The following ANKUB1 variants were observed in gnomAD, a reference collection of about 807,000 sequenced individuals.
The protein encoded by ANKUB1 is protein ANKUB1.
Under a neutral mutation model 49.3 loss-of-function variants are expected in ANKUB1, and 42 were observed. The observed-to-expected ratio is 0.85, with a 90% confidence interval of 0.67 to 1.10. The LOEUF (loss-of-function observed/expected upper bound fraction) is 1.10, where lower values mean the gene tolerates loss of function less well. ANKUB1 is among the 50% of genes least tolerant of loss of function. The pLI is 0.00. For missense variants in ANKUB1, 613 were observed against 642.0 expected (o/e 0.95, Z 0.49); for synonymous variants, 222 against 231.0 (o/e 0.96, Z 0.35).
At chr3:149,780,794 A>G (rs1717829655) in intron 2 of ANKUB1, among the ~76,000 whole-genome samples, 1 of 152,184 alleles carries the variant, frequency 6.6e-6, no homozygotes, top group South Asian at 2.1e-4. Flanking sequence ...GTTGTGCAGT[A>G]CTTTAATTTG....
intron 3 of ANKUB1, chr3:149,779,337 T>C (rs1373743116): frequency 1.4e-5 from 2 of 145,774 alleles, no homozygotes; most frequent in Non-Finnish European, 3.2e-5. Flanking sequence ...ATTGTTTTTG[T>C]TTTTTGTTTT....
chr3:149,762,169 C>G (rs568556531), intron 5 of ANKUB1, among the ~76,000 whole-genome samples: 2 of 152,226 alleles, frequency 1.3e-5, no homozygotes, highest in African/African-American at 2.4e-5. Context: ...ATGTTGGGGT[C>G]CTCCAAGATT....
At chr3:149,789,651 A>G (rs1275259952) in intron 2 of ANKUB1, among the ~76,000 whole-genome samples, 2 of 131,364 alleles carry the variant, frequency 1.5e-5, no homozygotes, top group African/African-American at 5.8e-5. Context: ...TTTTTCCGAG[A>G]TGGGGTCTCA....
Position 149,787,712 on chromosome 3 carries a change from C to T in ANKUB1, c.234+3069G>A, listed in dbSNP as rs150367338. On this transcript the variant is annotated intron_variant, in intron 2 of 5. Transcript: ENST00000446160. ...GTCTATATTACCATTAAAAGAAAAG[C>T]GTAATATACAGGGAAGCTGGAAAAA... 3.8e-3 allele frequency among the ~76,000 whole-genome samples: 577 copies of T among 152,156 alleles called. 2 individuals carry two copies. The highest frequency in any genetic ancestry group is 0.013 in the African/African-American group (547 of 41,504).
rs148530878 is a variant in ANKUB1, at chr3:149,777,503, A to C, written c.451+2736T>G. ...ACAACAACAACAACAACAACAACAA[A>C]AAAACACTCCTGTTCCAGAAGGTGC... is the stretch of plus-strand genomic sequence containing the variant. On this transcript the variant is annotated intron_variant, in intron 3 of 5. Transcript: ENST00000446160. Among the ~76,000 whole-genome samples the C allele has an allele frequency of 5.0e-3, 653 of 130,042 alleles. 2 individuals are homozygous for C. Among genetic ancestry groups the C allele is most frequent in the African/African-American group, 0.015 (590 of 39,278 alleles). The allele number at this position is 130,042 out of a possible 152,430, so 85.3% of individuals were successfully genotyped here. A position where few individuals can be genotyped will look rare whatever the true frequency, so the allele number is the denominator to read the frequency against.
Position 149,778,891 on chromosome 3 carries a change from G to A in ANKUB1, c.451+1348C>T, listed in dbSNP as rs1717725142. On this transcript the variant is annotated intron_variant, in intron 3 of 5. Transcript: ENST00000446160. The stretch of plus-strand genomic sequence containing the variant: ...GATACCTACAAAGCCCTATGTATAT[G>A]TTGGGAGAACTCAAATTTCATTGCA... The A allele has an allele frequency of 2.0e-5, 3 of 152,280 alleles. No individual in the cohort carries two copies. The South Asian group carries it at 6.2e-4, about 32-fold the overall frequency. The allele number at this position is 152,280 out of a possible 1,614,324, so 9.4% of individuals were successfully genotyped here.
intron 3 of ANKUB1, among the ~76,000 whole-genome samples, chr3:149,772,017 A>ATCCT (rs1166374871): frequency 6.9e-6 from 1 of 144,918 alleles, no homozygotes; most frequent in Non-Finnish European, 1.5e-5. Flanking sequence ...GTTTTCCTCC[A>ATCCT]TCCTTCCTTT....
At chr3:149,789,718 C>G (rs182073167) in intron 2 of ANKUB1, among the ~76,000 whole-genome samples, 3 of 151,852 alleles carry the variant, frequency 2.0e-5, no homozygotes, top group Admixed American at 6.6e-5. Flanking sequence ...CAACCTCCCC[C>G]TCCTGGGTTC....
chr3:149,789,648 G>A (rs562656877), intron 2 of ANKUB1, among the ~76,000 whole-genome samples: 10 of 99,018 alleles, frequency 1.0e-4, no homozygotes, highest in African/African-American at 2.7e-4. Context: ...TTTTTTTTCC[G>A]AGATGGGGTC....
intron 5 of ANKUB1, among the ~76,000 whole-genome samples, chr3:149,764,829 A>T (rs1052023110): frequency 1.3e-5 from 2 of 151,324 alleles, no homozygotes; most frequent in Admixed American, 6.6e-5. Flanking sequence ...ATTGCCACTC[A>T]TTAATAATTC....
At position 149,767,309 on chromosome 3, in the gene ANKUB1, G is replaced by C; in HGVS notation, c.1353C>G (p.Leu451=). The change falls in exon 5 of 6, where the codon CTC becomes CTG. Residue 451 remains leucine, a synonymous_variant. Coordinates refer to ENST00000446160, the MANE Select transcript of ANKUB1 (RefSeq NM_001144960.3). ...AATATCCCACTCTTGAAACTGGAGGGAGGGGGACTTGGGGAAGATATGTGT... is the reference window on the plus strand; with the variant it reads ...AATATCCCACTCTTGAAACTGGAGGCAGGGGGACTTGGGGAAGATATGTGT... ...IKNTYLPQVP[L]PPVSRVGYSH... is the part of the protein sequence containing the mutation. The C allele has an allele frequency of 1.3e-6, 2 of 1,551,638 alleles. No individual in the cohort carries two copies. Among genetic ancestry groups the C allele is most frequent in the Non-Finnish European group, 1.7e-6 (2 of 1,146,970 alleles).
rs902187498 is a variant in ANKUB1 at position 149,766,957 on chromosome 3, C to T, written c.1505+200G>A. On this transcript the variant is annotated intron_variant, in intron 5 of 5. Transcript: ENST00000446160. Reference sequence around the variant, plus strand: ...TGAAAGTTTGAGGAGTAAAGTACTGCACAGATTGGATTGGCCAATAATATT... The same window carrying T: ...TGAAAGTTTGAGGAGTAAAGTACTGTACAGATTGGATTGGCCAATAATATT... 114 of 1,032,708 alleles carry T rather than the reference C, an allele frequency of 1.1e-4. 2 individuals carry two copies. The Admixed American group carries it at 2.3e-3, about 20-fold the overall frequency. 64.0% of individuals were successfully genotyped at this position (1,032,708 alleles called of 1,614,324 possible). A position where few individuals can be genotyped will look rare whatever the true frequency, so the allele number is the denominator to read the frequency against.
At chr3:149,762,478 C>A (rs989918151) in intron 5 of ANKUB1, among the ~76,000 whole-genome samples, 12 of 152,142 alleles carry the variant, frequency 7.9e-5, no homozygotes, top group African/African-American at 2.7e-4. Flanking sequence ...AGTCAGTGAC[C>A]AAATTTTGTG....
intron 5 of ANKUB1, among the ~76,000 whole-genome samples, chr3:149,765,157 C>T (rs767816348): frequency 6.6e-6 from 1 of 152,112 alleles, no homozygotes; most frequent in Non-Finnish European, 1.5e-5. Flanking sequence ...ACAATCAATA[C>T]ATGCAAAAAC....
In ANKUB1 at chr3:149,767,903, C is replaced by T. The variant is rs1300456173; in HGVS notation, c.759G>A (p.Leu253=). 1.9e-6 allele frequency: 3 copies of T among 1,551,168 alleles called. No individual in the cohort carries two copies. Among genetic ancestry groups the T allele is most frequent in the Admixed American group, 3.9e-5 (2 of 50,990 alleles). ...AGTTGACAAAGGCCTTCAGAATCAA[C>T]AGTTGGCCTGCTTCTGCGGCTGCAT... ...PIHAAAEAGQ[L]LILKAFVNYS... The change falls in exon 5 of 6, where the codon CTG becomes CTA. Residue 253 remains leucine, a synonymous_variant. Transcript: ENST00000446160.
At chr3:149,770,773 C>A in intron 3 of ANKUB1, 99 bp from the exon 4 acceptor site, 1 of 682,760 alleles carries the variant, frequency 1.5e-6, no homozygotes, top group South Asian at 2.1e-5. Context: ...AGAGGCTTAG[C>A]TAGATGCAAA....
At chr3:149,762,630 C>T (rs946610094) in intron 5 of ANKUB1, among the ~76,000 whole-genome samples, 5 of 152,146 alleles carry the variant, frequency 3.3e-5, no homozygotes, top group East Asian at 1.9e-4. Context: ...ATCTTTCCAA[C>T]GAGTCTTCCA....
intron 2 of ANKUB1, among the ~76,000 whole-genome samples, chr3:149,789,767 C>G (rs1042540140): frequency 6.6e-6 from 1 of 151,744 alleles, no homozygotes; most frequent in African/African-American, 2.4e-5. Flanking sequence ...GTAGCTGGGA[C>G]TACAGGCTCA....
chr3:149,773,731 A>C (rs1458024311), intron 3 of ANKUB1, among the ~76,000 whole-genome samples: 1 of 152,124 alleles, frequency 6.6e-6, no homozygotes, highest in Non-Finnish European at 1.5e-5. Context: ...ATCACTCCCA[A>C]ATGAGCAGTA....
Sources: allele counts gnomAD v4.1 joint callset (sites outside exome capture counted in the v4.1 genomes callset), GRCh38; gene constraint gnomAD v4.1.1; transcripts MANE v1.5; gene names NCBI Gene and HGNC (gene_info 2026-07-23, HGNC 2026-07-21).